RAB3GAP2: variants seen among roughly 807,000 people sequenced by gnomAD.
The protein encoded by RAB3GAP2 is rab3 GTPase-activating protein non-catalytic subunit.
A neutral mutation model predicts 185.3 loss-of-function variants in RAB3GAP2; 87 were observed. The observed-to-expected ratio is 0.47, with a 90% CI of 0.39 to 0.56. RAB3GAP2 has a LOEUF of 0.56. RAB3GAP2 is among the 20% of genes least tolerant of loss of function. RAB3GAP2 has a pLI of 0.00. For missense variants in RAB3GAP2, 1,492 were observed against 1,638.2 expected (o/e 0.91, Z 1.54); for synonymous variants, 554 against 576.1 (o/e 0.96, Z 0.55).
chr1:220,185,650 CCTTGA>C lies in RAB3GAP2; in HGVS notation c.1866_1870del (p.Ser622ArgfsTer3). 6.2e-7 allele frequency: 1 copy of C among 1,602,516 alleles called. No homozygotes were observed. The highest frequency in any genetic ancestry group is 8.5e-7 in the Non-Finnish European group (1 of 1,169,896). ...CCTCCAATCAGTACAAACCCTATTA[CCTTGA>C]CTTTTTAAAGTGTCCATTAAAGTCT... On this transcript the variant is annotated frameshift_variant and splice_region_variant, in exon 18 of 35. Coordinates refer to ENST00000358951, the MANE Select transcript of RAB3GAP2 (RefSeq NM_012414.4). LOFTEE classifies it high-confidence loss of function.
chr1:220,235,127 T>C (rs143519847), intron 1 of RAB3GAP2, among the ~76,000 whole-genome samples: 1 of 152,284 alleles, frequency 6.6e-6, no homozygotes, highest in East Asian at 1.9e-4. Context: ...CTATGCCTCA[T>C]GAAGGGTAAG....
intron 12 of RAB3GAP2, among the ~76,000 whole-genome samples, 197 bp from the exon 13 acceptor site, chr1:220,193,576 A>G (rs894732699): frequency 1.3e-5 from 2 of 152,244 alleles, no homozygotes. Flanking sequence ...ATAAAACCAC[A>G]GTCCTATGTA....
At position 220,172,746 on chromosome 1, in the gene RAB3GAP2, A is replaced by G; in HGVS notation, c.2311-4T>C. On this transcript the variant is annotated splice_region_variant and splice_polypyrimidine_tract_variant and intron_variant, in intron 21 of 34. Transcript: ENST00000358951. Reference sequence around the variant, plus strand: ...GCCAAACACTCAGGAGCAGAGACTGAAATCAAATTTAAATCTTTTTCAGTC... The same window carrying G: ...GCCAAACACTCAGGAGCAGAGACTGGAATCAAATTTAAATCTTTTTCAGTC... 6.3e-7 allele frequency: 1 copy of G among 1,594,580 alleles called. No individual in the cohort carries two copies.
At chr1:220,198,306 TG>T (rs1658768228) in intron 9 of RAB3GAP2, among the ~76,000 whole-genome samples, 1 of 152,176 alleles carries the variant, frequency 6.6e-6, no homozygotes, top group African/African-American at 2.4e-5. Flanking sequence ...CACAAACAAA[TG>T]GACATAAAGC....
chr1:220,254,930 T>C (rs1487739976), intron 1 of RAB3GAP2, among the ~76,000 whole-genome samples: 1 of 150,736 alleles, frequency 6.6e-6, no homozygotes, highest in Non-Finnish European at 1.5e-5. Flanking sequence ...TGTATATAAC[T>C]GAACACACTC....
intron 24 of RAB3GAP2, among the ~76,000 whole-genome samples, chr1:220,170,561 T>C (rs1658155663): frequency 6.6e-6 from 1 of 152,168 alleles, no homozygotes; most frequent in Non-Finnish European, 1.5e-5. Context: ...CAATCTATTG[T>C]GCTCTGTGTT....
chr1:220,246,908 A>T (rs1659828800), intron 1 of RAB3GAP2, among the ~76,000 whole-genome samples: 2 of 152,096 alleles, frequency 1.3e-5, no homozygotes, highest in Admixed American at 1.3e-4. Flanking sequence ...TATAATAAAA[A>T]ATAAATAAAT....
intron 9 of RAB3GAP2, 23 bp downstream of exon 9, chr1:220,202,253 G>C: frequency 6.2e-7 from 1 of 1,607,674 alleles, no homozygotes; most frequent in East Asian, 2.2e-5. Context: ...AATTCCAAGA[G>C]AATTTGAATT....
At chr1:220,218,610 G>T (rs1223653796) in intron 2 of RAB3GAP2, among the ~76,000 whole-genome samples, 1 of 151,984 alleles carries the variant, frequency 6.6e-6, no homozygotes, top group South Asian at 2.1e-4. Context: ...GTCAGGGGAG[G>T]GATAGCATTA....
chr1:220,251,157 A>T (rs1659923048), intron 1 of RAB3GAP2, among the ~76,000 whole-genome samples: 1 of 152,252 alleles, frequency 6.6e-6, no homozygotes, highest in Admixed American at 6.5e-5. Context: ...GAATTAGTTA[A>T]TAAATTGTGT....
At chr1:220,152,112 G>A (rs1488732349) in intron 33 of RAB3GAP2, among the ~76,000 whole-genome samples, 1 of 152,022 alleles carries the variant, frequency 6.6e-6, no homozygotes. Flanking sequence ...GTCTCACTCT[G>A]CCACCCAAGC....
chr1:220,191,206 G>A lies in RAB3GAP2; in HGVS notation c.1349C>T (p.Ser450Phe), dbSNP rs994065028. ...TGGACCCTGAGAATTTCCAAAGGGG[G>A]AAAAATCTGCCTTTTCTGGCACTCT... ...HERVPEKADFSPFGNSQGPSR... is the reference protein window; with the variant it reads ...HERVPEKADFFPFGNSQGPSR... Residue 450 changes from serine to phenylalanine, a missense_variant, in exon 14 of 35, where the codon TCC becomes TTC. Ser to Phe is a radical substitution (Grantham distance 155). This residue lies in a region of RAB3GAP2 where 681 missense variants were observed against 689.1 expected (regional missense o/e 0.99). Coordinates refer to ENST00000358951, the MANE Select transcript of RAB3GAP2 (RefSeq NM_012414.4). 1.9e-6 allele frequency: 3 copies of A among 1,613,818 alleles called. No homozygotes were observed. Among genetic ancestry groups the A allele is most frequent in the Admixed American group, 1.7e-5 (1 of 59,966 alleles).
At chr1:220,215,088 A>C (rs576830494) in intron 2 of RAB3GAP2, among the ~76,000 whole-genome samples, 54 of 151,574 alleles carry the variant, frequency 3.6e-4, no homozygotes, top group Non-Finnish European at 6.9e-4. Flanking sequence ...TTATGGATGC[A>C]CTATAATTTA....
intron 2 of RAB3GAP2, among the ~76,000 whole-genome samples, chr1:220,217,283 G>A (rs1020344742): frequency 6.6e-6 from 1 of 152,050 alleles, no homozygotes; most frequent in Non-Finnish European, 1.5e-5. Context: ...AAGAACTACT[G>A]TATTGTCACT....
rs1659057654 is a variant in RAB3GAP2 at position 220,210,398 on chromosome 1, A to C, written c.602T>G (p.Val201Gly). The C allele has an allele frequency of 1.2e-6, 2 of 1,613,804 alleles. No homozygotes were observed. The highest frequency in any genetic ancestry group is 1.7e-6 in the Non-Finnish European group (2 of 1,179,684). Residue 201 changes from valine to glycine, a missense_variant, in exon 7 of 35, where the codon GTG becomes GGG. Val to Gly is a moderately radical substitution (Grantham distance 109). Transcript: ENST00000358951. ...AATTTTTTACACTACCTGCTCAGTC[A>C]CGCCGGGATGTCGTGGTATTTCATA... Reference protein sequence around the residue: ...RTYEIPRHPGVTEQNEELSIL... With the variant: ...RTYEIPRHPGGTEQNEELSIL...
At chr1:220,228,135 C>A (rs58010761) in intron 2 of RAB3GAP2, among the ~76,000 whole-genome samples, 1 of 152,154 alleles carries the variant, frequency 6.6e-6, no homozygotes, top group South Asian at 2.1e-4. Context: ...AACCTGGTTC[C>A]TTCTTTAATG....
chr1:220,267,656 A>G, intron 1 of RAB3GAP2: 1 of 1,486,540 alleles, frequency 6.7e-7, no homozygotes. Context: ...GCCTGGAGGC[A>G]GGATGAGGTA....
rs1356810378 is a variant in RAB3GAP2 at position 220,157,878 on chromosome 1, T to C, written c.3262-2A>G. 1 of 1,612,356 alleles carries C rather than the reference T, an allele frequency of 6.2e-7. No homozygotes were observed. Among genetic ancestry groups the C allele is most frequent in the South Asian group, 1.1e-5 (1 of 90,954 alleles). Reference sequence around the variant, plus strand: ...TGCTGTGTCACTCATTCCCACATCCTGTTTTTTAAAAAGGAACGTAATTAG... The same window carrying C: ...TGCTGTGTCACTCATTCCCACATCCCGTTTTTTAAAAAGGAACGTAATTAG... On this transcript the variant is annotated splice_acceptor_variant, in intron 29 of 34. Transcript: ENST00000358951. LOFTEE classifies it high-confidence loss of function.
intron 1 of RAB3GAP2, among the ~76,000 whole-genome samples, chr1:220,234,921 C>T (rs1214883258): frequency 2.6e-5 from 4 of 152,144 alleles, no homozygotes; most frequent in African/African-American, 4.8e-5. Context: ...TGCCTAAATG[C>T]TTTATAGACA....
Sources: gnomAD v4.1 joint callset for allele counts (sites outside exome capture counted in the v4.1 genomes callset) on GRCh38, gnomAD v4.1.1 for gene constraint, gnomAD v4.1.1 regional missense constraint, MANE v1.5 for transcripts, NCBI Gene and HGNC (gene_info 2026-07-23, HGNC 2026-07-21) for gene names.